The following ZDHHC11B variants were observed in gnomAD, a reference collection of about 807,000 sequenced individuals.
ZDHHC11B encodes zDHHC palmitoyltransferase 11B (putative).
A neutral mutation model predicts 42.3 loss-of-function variants in ZDHHC11B; 17 were observed. The observed-to-expected ratio is 0.40, with a 90% CI of 0.27 to 0.60. The LOEUF (loss-of-function observed/expected upper bound fraction) is 0.60. Among genes scored for constraint, ZDHHC11B ranks in the 20% least tolerant of loss-of-function variants. The probability of loss-of-function intolerance (pLI) is 0.41; values close to 1 mark genes in which losing one functional copy is unlikely to be tolerated. For synonymous variants in ZDHHC11B, 123 were observed against 193.5 expected (o/e 0.64, Z 3.02); for missense variants, 262 against 463.2 (o/e 0.57, Z 3.99).
chr5:758,442 G>C (rs1734148186), intron 4 of ZDHHC11B, among the ~76,000 whole-genome samples: 1 of 151,886 alleles, frequency 6.6e-6, no homozygotes, highest in Non-Finnish European at 1.5e-5. Flanking sequence ...CAGGGAGACG[G>C]TGCTGCTGCT....
intron 12 of ZDHHC11B, among the ~76,000 whole-genome samples, chr5:717,516 C>G (rs1327667347): frequency 6.6e-6 from 1 of 151,692 alleles, no homozygotes; most frequent in Non-Finnish European, 1.5e-5. Flanking sequence ...TTTTGAAAGA[C>G]CCACAAGCAA....
chr5:773,172 G>A (rs1314772667), intron 1 of ZDHHC11B, among the ~76,000 whole-genome samples: 1 of 151,844 alleles, frequency 6.6e-6, no homozygotes, highest in Non-Finnish European at 1.5e-5. Flanking sequence ...GACGGACAAC[G>A]AGCCTGGGCG....
chr5:718,739 G>C (rs1397771059), intron 12 of ZDHHC11B, among the ~76,000 whole-genome samples: 9 of 151,354 alleles, frequency 5.9e-5, no homozygotes, highest in Non-Finnish European at 1.0e-4. Context: ...AGGAGAAGCT[G>C]CTGGTCTTTC....
At chr5:754,261 T>C (rs1746237697) in intron 6 of ZDHHC11B, among the ~76,000 whole-genome samples, 2 of 121,474 alleles carry the variant, frequency 1.6e-5, no homozygotes, top group African/African-American at 3.0e-5. Flanking sequence ...GGGAAACACC[T>C]CTCGTCTATG....
chr5:773,132 A>T (rs1157518603), intron 1 of ZDHHC11B, among the ~76,000 whole-genome samples: 1 of 151,776 alleles, frequency 6.6e-6, no homozygotes, highest in Non-Finnish European at 1.5e-5. Context: ...ATAAGAATAC[A>T]TTTAGTTTTA....
At chr5:722,840 T>C (rs539376791) in intron 12 of ZDHHC11B, among the ~76,000 whole-genome samples, 1 of 151,484 alleles carries the variant, frequency 6.6e-6, no homozygotes, top group East Asian at 1.9e-4. Flanking sequence ...ACAAGCAGTA[T>C]GGACAGACCT....
Position 711,896 on chromosome 5 carries a change from T to TCCCATTTCCCAGTACTGTGCTCC in ZDHHC11B, c.*393_*394insGGAGCACAGTACTGGGAAATGGG, listed in dbSNP as rs1197914489. The TCCCATTTCCCAGTACTGTGCTCC allele has an allele frequency of 7.4e-6, 1 of 135,408 alleles. No individual in the cohort carries two copies. The highest frequency in any genetic ancestry group is 1.6e-5 in the Non-Finnish European group (1 of 61,518). 8.4% of individuals were successfully genotyped at this position (135,408 alleles called of 1,614,324 possible). On this transcript the variant is annotated 3_prime_UTR_variant, in exon 14 of 14. Coordinates refer to ENST00000508859, the MANE Select transcript of ZDHHC11B (RefSeq NM_001351303.2). ...ATGCTCCCATTTCCCAGTACTGTGC[T>TCCCATTTCCCAGTACTGTGCTCC]CACAGGTGTGAGCCAACATGCCCGG...
chr5:710,492 A>G lies in ZDHHC11B; in HGVS notation c.*1798T>C, dbSNP rs1308743358. Reference sequence around the variant, plus strand: ...CTGGTATTGACTCTTTTTGTCTACTAAGATAAGAAGTCTGGGCTAGACTGA... The same window carrying G: ...CTGGTATTGACTCTTTTTGTCTACTGAGATAAGAAGTCTGGGCTAGACTGA... On this transcript the variant is annotated 3_prime_UTR_variant, in exon 14 of 14. Coordinates refer to ENST00000508859, the MANE Select transcript of ZDHHC11B (RefSeq NM_001351303.2). 1.3e-5 allele frequency: 2 copies of G among 154,938 alleles called. No homozygotes were observed. The highest frequency in any genetic ancestry group is 2.9e-5 in the Non-Finnish European group (2 of 68,208). 9.6% of individuals were successfully genotyped at this position (154,938 alleles called of 1,614,324 possible).
intron 13 of ZDHHC11B, among the ~76,000 whole-genome samples, chr5:714,929 CCTT>C (rs1349299001): frequency 6.6e-6 from 1 of 151,212 alleles, no homozygotes; most frequent in African/African-American, 2.5e-5. Flanking sequence ...ACCCATGAGA[CCTT>C]GTTGTTGAAA....
At chr5:720,098 C>A (rs1460031901) in intron 12 of ZDHHC11B, among the ~76,000 whole-genome samples, 1 of 151,770 alleles carries the variant, frequency 6.6e-6, no homozygotes, top group Non-Finnish European at 1.5e-5. Flanking sequence ...CAGGAGACTA[C>A]TCTATTTAAA....
chr5:753,754 GC>G (rs1272296218), intron 6 of ZDHHC11B, among the ~76,000 whole-genome samples: 1 of 148,256 alleles, frequency 6.7e-6, no homozygotes, highest in African/African-American at 2.5e-5. Context: ...TCCCTGCCGG[GC>G]TGCTCAGCCT....
intron 4 of ZDHHC11B, among the ~76,000 whole-genome samples, chr5:759,713 G>A (rs533690704): frequency 8.6e-5 from 13 of 151,886 alleles, no homozygotes; most frequent in East Asian, 1.9e-4. Context: ...TCAAACGTCC[G>A]CCTAACCTGG....
intron 13 of ZDHHC11B, among the ~76,000 whole-genome samples, chr5:712,725 C>A (rs1309043255): frequency 6.6e-6 from 1 of 151,302 alleles, no homozygotes; most frequent in African/African-American, 2.4e-5. Context: ...CTGGCTAATA[C>A]GGTGAAACCC....
At chr5:715,128 A>G (rs1741654044) in intron 13 of ZDHHC11B, among the ~76,000 whole-genome samples, 1 of 150,606 alleles carries the variant, frequency 6.6e-6, no homozygotes, top group Admixed American at 6.6e-5. Context: ...TTTATAAATT[A>G]CCCAGGCTCA....
intron 13 of ZDHHC11B, 110 bp downstream of exon 13, chr5:716,691 C>A (rs1741774876): frequency 2.9e-6 from 4 of 1,365,526 alleles, no homozygotes; most frequent in African/African-American, 2.8e-5. Flanking sequence ...AAACGACAAG[C>A]AGCCCAGCCC....
intron 4 of ZDHHC11B, among the ~76,000 whole-genome samples, chr5:762,545 A>G (rs1177891906): frequency 6.6e-6 from 1 of 151,720 alleles, no homozygotes; most frequent in Non-Finnish European, 1.5e-5. Flanking sequence ...CCAGAGACTG[A>G]GCCCCAAATC....
rs1459018158 is a variant in ZDHHC11B, at chr5:775,856, G to A, written c.-229-6926C>T. 7.3e-5 allele frequency among the ~76,000 whole-genome samples: 11 copies of A among 150,028 alleles called. 1 individual carries two copies. Among genetic ancestry groups the A allele is most frequent in the African/African-American group, 2.7e-4 (11 of 40,778 alleles). On this transcript the variant is annotated intron_variant, in intron 1 of 13. Transcript: ENST00000508859. ...ACACGCTGTGTTGCAAGCTGACTGG[G>A]AAACAGGTTGGAGGGGTGGGGGCCG...
intron 10 of ZDHHC11B, among the ~76,000 whole-genome samples, chr5:734,133 T>C (rs1743327185): frequency 7.1e-6 from 1 of 141,296 alleles, no homozygotes; most frequent in African/African-American, 2.8e-5. Flanking sequence ...CTAAGACGGG[T>C]TCTGAAGAGT....
chr5:719,619 G>T lies in ZDHHC11B; in HGVS notation c.1059-2754C>A, dbSNP rs141986889. Among the ~76,000 whole-genome samples the T allele has an allele frequency of 8.4e-3, 1,253 of 150,054 alleles. 16 individuals are homozygous for T. Among genetic ancestry groups the T allele is most frequent in the Non-Finnish European group, 0.012 (820 of 67,624 alleles). ...GAAGACAACCGAAATTATCCAGTCT[G>T]AGGACCAGAAAAAAAAAAAAAGAAT... On this transcript the variant is annotated intron_variant, in intron 12 of 13. Transcript: ENST00000508859.
Sources: gnomAD v4.1 joint callset for allele counts (sites outside exome capture counted in the v4.1 genomes callset) on GRCh38, gnomAD v4.1.1 for gene constraint, MANE v1.5 for transcripts, NCBI Gene and HGNC (gene_info 2026-07-23, HGNC 2026-07-21) for gene names.